The following CRELD1 variants were observed in gnomAD, a reference collection of about 807,000 sequenced individuals.
The protein encoded by CRELD1 is CRELD disulfide isomerase 1, also known as protein disulfide isomerase CRELD1.
CRELD1 carries 42 observed loss-of-function variants against 58.2 expected under a neutral mutation model. The observed-to-expected ratio is 0.72, with a 90% CI of 0.56 to 0.93. The LOEUF is 0.93. Among genes scored for constraint, CRELD1 ranks in the 40% least tolerant of loss-of-function variants. The pLI, the probability that CRELD1 is intolerant of heterozygous loss-of-function variation, is 0.00. For synonymous variants in CRELD1, 222 were observed against 202.0 expected, an observed-to-expected ratio of 1.10 and a Z score of -0.84; for missense variants, 500 against 540.6, an observed-to-expected ratio of 0.92 and a Z score of 0.74.
chr3:9,944,115 C>G (rs762982232), intron 10 of CRELD1: 1 of 789,060 alleles, frequency 1.3e-6, no homozygotes, highest in African/African-American at 1.7e-5. Context: ...GCTCTGCCCC[C>G]AACTTGTCCA....
chr3:9,934,305 C>T (rs2085097959), intron 1 of CRELD1, 115 bp from the exon 2 acceptor site: 3 of 835,784 alleles, frequency 3.6e-6, no homozygotes, highest in Non-Finnish European at 2.0e-6. Flanking sequence ...AGTTTGGCCT[C>T]TTTTGCTTGT....
chr3:9,934,615 G>A lies in CRELD1; in HGVS notation c.174+3G>A, dbSNP rs2085112701. 3 of 1,612,124 alleles carry A rather than the reference G, an allele frequency of 1.9e-6. No individual in the cohort carries two copies. Among genetic ancestry groups the A allele is most frequent in the Non-Finnish European group, 8.5e-7 (1 of 1,178,456 alleles). ...GACTGGTTGACAGCTTTAACAAGGT[G>A]GGTGCACCGGCAGCCTCGTTAGAGG... is the stretch of plus-strand genomic sequence containing the variant. On this transcript the variant is annotated splice_donor_region_variant and intron_variant, in intron 2 of 10. Transcript: ENST00000452070.
chr3:9,937,476 C>G, intron 3 of CRELD1, 86 bp from the exon 4 acceptor site: 2 of 884,542 alleles, frequency 2.3e-6, no homozygotes, highest in Admixed American at 2.0e-5. Flanking sequence ...ATATTTTCAC[C>G]GCACGAGGAA....
intron 5 of CRELD1, 134 bp downstream of exon 5, chr3:9,938,240 C>T: frequency 1.4e-6 from 1 of 730,006 alleles, no homozygotes; most frequent in Non-Finnish European, 2.4e-6. Flanking sequence ...TTCTTGCCTG[C>T]CTGACAGGGC....
chr3:9,942,307 A>ATT (rs566239032), intron 7 of CRELD1, among the ~76,000 whole-genome samples: 28 of 150,568 alleles, frequency 1.9e-4, no homozygotes, highest in African/African-American at 6.3e-4. Context: ...GTAGAGGTTT[A>ATT]TTTTTTTTTA....
intron 5 of CRELD1, among the ~76,000 whole-genome samples, chr3:9,939,062 C>T (rs888885449): frequency 6.6e-6 from 1 of 151,518 alleles, no homozygotes; most frequent in African/African-American, 2.4e-5. Flanking sequence ...GGGAGGATTG[C>T]TTGAGCCCAG....
chr3:9,944,264 G>C, intron 10 of CRELD1, 101 bp from the exon 11 acceptor site: 1 of 1,086,420 alleles, frequency 9.2e-7, no homozygotes, highest in Non-Finnish European at 1.4e-6. Flanking sequence ...GGGCAGGCCT[G>C]GTGGCCATGA....
chr3:9,941,641 T>C (rs2085369839), intron 7 of CRELD1, among the ~76,000 whole-genome samples: 1 of 151,440 alleles, frequency 6.6e-6, no homozygotes, highest in Admixed American at 6.6e-5. Flanking sequence ...ATACAAAAAA[T>C]TAGCTGGGCG....
At chr3:9,939,949 G>T (rs1389787191) in intron 5 of CRELD1, among the ~76,000 whole-genome samples, 1 of 150,526 alleles carries the variant, frequency 6.6e-6, no homozygotes, top group South Asian at 2.1e-4. Context: ...GGGGCGGCTG[G>T]CCGGGCGGGG....
Position 9,941,192 on chromosome 3 carries a change from A to G in CRELD1, c.719A>G (p.His240Arg). 5 of 1,613,648 alleles carry G rather than the reference A, an allele frequency of 3.1e-6. No homozygotes were observed. The highest frequency in any genetic ancestry group is 1.3e-5 in the African/African-American group (1 of 75,032). The change falls in exon 7 of 11, where the codon CAC becomes CGC. Residue 240 changes from histidine (H) to arginine (R), a missense_variant. Coordinates refer to ENST00000452070, the MANE Select transcript of CRELD1 (RefSeq NM_001077415.3). ...TGCAAGAAGGGCTGGGCCCTGCATC[A>G]CCTCAAGTGTGTAGGTAAGTGGGGC... The part of the protein sequence containing the change: ...LQCKKGWALH[H>R]LKCVDIDECG...
chr3:9,939,934 C>G (rs1158241762), intron 5 of CRELD1, among the ~76,000 whole-genome samples: 2 of 151,644 alleles, frequency 1.3e-5, no homozygotes, highest in Non-Finnish European at 2.9e-5. Flanking sequence ...CCTCACCTCC[C>G]GGACGGGGCG....
At chr3:9,937,761 G>A in intron 4 of CRELD1, 89 bp downstream of exon 4, 1 of 953,148 alleles carries the variant, frequency 1.0e-6, no homozygotes, top group Non-Finnish European at 1.7e-6. Context: ...GGGGGTGCAT[G>A]CTGGGGCCCA....
At chr3:9,942,926 C>T (rs748981688) in intron 8 of CRELD1, 30 bp downstream of exon 8, 8 of 1,590,118 alleles carry the variant, frequency 5.0e-6, no homozygotes, top group African/African-American at 4.0e-5. Flanking sequence ...GAGGAGGGGA[C>T]GTGAGGAGTG....
rs147605200 is a variant in CRELD1 at position 9,944,095 on chromosome 3, C to T, written c.1049-270C>T. 290 of 791,964 alleles carry T rather than the reference C, an allele frequency of 3.7e-4. 1 individual carries two copies. Among genetic ancestry groups the T allele is most frequent in the Middle Eastern group, 2.3e-4 (1 of 4,438 alleles). 49.1% of individuals were successfully genotyped at this position (791,964 alleles called of 1,614,324 possible). The stretch of plus-strand genomic sequence containing the variant: ...CTGACCGTGGAACGAGACTCATACA[C>T]GTAATAAATGCTCTGCCCCCAACTT... On this transcript the variant is annotated intron_variant, in intron 10 of 10. Coordinates refer to ENST00000452070, the MANE Select transcript of CRELD1 (RefSeq NM_001077415.3).
chr3:9,943,271 G>A (rs760717626), intron 9 of CRELD1, 99 bp downstream of exon 9: 4 of 1,597,078 alleles, frequency 2.5e-6, no homozygotes, highest in African/African-American at 1.3e-5. Context: ...AAGGAAGGGT[G>A]GAATGTTGCC....
chr3:9,942,567 C>T (rs577158946), intron 7 of CRELD1, among the ~76,000 whole-genome samples: 2 of 152,280 alleles, frequency 1.3e-5, no homozygotes, highest in East Asian at 3.9e-4. Flanking sequence ...TGGAGCTCAT[C>T]ACTCCTGTTT....
At position 9,944,847 on chromosome 3, in the gene CRELD1, A is replaced by G. The variant is rs763144041; in HGVS notation, c.*268A>G. 21 of 493,686 alleles carry G rather than the reference A, an allele frequency of 4.3e-5. No individual in the cohort carries two copies. The highest frequency in any genetic ancestry group is 6.7e-5 in the Non-Finnish European group (18 of 269,186). 30.6% of individuals were successfully genotyped at this position (493,686 alleles called of 1,614,324 possible). On this transcript the variant is annotated 3_prime_UTR_variant, in exon 11 of 11. Coordinates refer to ENST00000452070, the MANE Select transcript of CRELD1 (RefSeq NM_001077415.3). The stretch of plus-strand genomic sequence containing the variant: ...TGTGAATTTCAAAAGTTTTTCCTTA[A>G]TGGTGGCTGCTAGAGCTTTGGCCCC...
chr3:9,943,306 G>A, intron 9 of CRELD1, 75 bp from the exon 10 acceptor site: 1 of 1,406,700 alleles, frequency 7.1e-7, no homozygotes, highest in Non-Finnish European at 9.6e-7. Flanking sequence ...GGGGAGTGTT[G>A]AGAGATGGAC....
intron 9 of CRELD1, 29 bp from the exon 10 acceptor site, chr3:9,943,352 C>T: frequency 6.2e-7 from 1 of 1,613,712 alleles, no homozygotes; most frequent in Non-Finnish European, 8.5e-7. Flanking sequence ...GGGGCCCTAG[C>T]AGGACTCTGA....
Sources: gnomAD v4.1 joint callset for allele counts (sites outside exome capture counted in the v4.1 genomes callset) on GRCh38, gnomAD v4.1.1 for gene constraint, MANE v1.5 for transcripts, NCBI Gene and HGNC (gene_info 2026-07-23, HGNC 2026-07-21) for gene names.